Variants in ARHGAP24 observed in about 807,000 individuals in gnomAD.
ARHGAP24 encodes the protein Rho GTPase activating protein 24.
In ARHGAP24, 50 loss-of-function variants were observed where a neutral mutation model predicts 76.4. The ratio of observed to expected loss-of-function variants is 0.65; its 90% CI spans 0.52 to 0.83. The LOEUF is 0.83. Among genes scored for constraint, ARHGAP24 ranks in the 40% least tolerant of loss-of-function variants. The pLI is 0.00. For synonymous variants in ARHGAP24, 345 were observed against 323.3 expected (o/e 1.07, Z -0.72); for missense variants, 930 against 914.2 (o/e 1.02, Z -0.22).
chr4:85,993,502 A>G (rs75251534), intron 8 of ARHGAP24, among the ~76,000 whole-genome samples: 1 of 152,174 alleles, frequency 6.6e-6, no homozygotes. Flanking sequence ...CCTCTTCAAA[A>G]TCTGATTTTG....
At chr4:85,588,893 A>G (rs1279081390) in intron 2 of ARHGAP24, among the ~76,000 whole-genome samples, 1 of 152,214 alleles carries the variant, frequency 6.6e-6, no homozygotes, top group Non-Finnish European at 1.5e-5. Flanking sequence ...TTTCTGCTCC[A>G]TGAAGTTTCT....
chr4:85,699,493 T>C (rs1223016170), intron 2 of ARHGAP24, among the ~76,000 whole-genome samples: 3 of 152,042 alleles, frequency 2.0e-5, no homozygotes, highest in Non-Finnish European at 4.4e-5. Flanking sequence ...TCCCAGCTAG[T>C]TGGGAGGCTG....
At chr4:85,785,596 G>A (rs146437285) in intron 3 of ARHGAP24, among the ~76,000 whole-genome samples, 36 of 151,600 alleles carry the variant, frequency 2.4e-4, no homozygotes, top group Non-Finnish European at 5.0e-4. Flanking sequence ...ACTTTCCTTT[G>A]TTCAATGCTT....
intron 2 of ARHGAP24, among the ~76,000 whole-genome samples, chr4:85,625,579 CTAT>C (rs1405430698): frequency 1.3e-5 from 2 of 152,102 alleles, no homozygotes; most frequent in African/African-American, 4.8e-5. Context: ...CTGTAGATGT[CTAT>C]TAGGTCTGCT....
intron 1 of ARHGAP24, among the ~76,000 whole-genome samples, chr4:85,483,879 C>T (rs892061864): frequency 3.3e-5 from 5 of 152,160 alleles, no homozygotes; most frequent in Non-Finnish European, 4.4e-5. Context: ...CCAGCCACTG[C>T]CTTTAACAAG....
At chr4:85,741,065 C>T (rs35372103) in intron 3 of ARHGAP24, among the ~76,000 whole-genome samples, 2 of 152,156 alleles carry the variant, frequency 1.3e-5, no homozygotes. Context: ...GTAACTTGCC[C>T]TAGGTCACCA....
At chr4:85,501,665 G>A (rs1201392172) in intron 1 of ARHGAP24, among the ~76,000 whole-genome samples, 1 of 152,144 alleles carries the variant, frequency 6.6e-6, no homozygotes, top group African/African-American at 2.4e-5. Context: ...CTCCCATTCT[G>A]TAGGTTGCCT....
chr4:85,687,623 G>A (rs1213765851), intron 2 of ARHGAP24, among the ~76,000 whole-genome samples: 1 of 152,092 alleles, frequency 6.6e-6, no homozygotes, highest in Admixed American at 6.6e-5. Flanking sequence ...TGTATTCTGT[G>A]TTGTATATAT....
chr4:85,923,852 A>G, intron 4 of ARHGAP24, 82 bp downstream of exon 4: 2 of 1,584,360 alleles, frequency 1.3e-6, no homozygotes, highest in Non-Finnish European at 8.7e-7. Flanking sequence ...TGTTACTATT[A>G]GCTCCTGTAT....
intron 2 of ARHGAP24, among the ~76,000 whole-genome samples, chr4:85,651,410 T>A (rs1389589051): frequency 1.3e-5 from 2 of 149,122 alleles, no homozygotes; most frequent in Non-Finnish European, 2.9e-5. Context: ...AACCTATTGA[T>A]GGTTTAGATT....
chr4:85,985,324 C>A (rs1051145252), intron 8 of ARHGAP24, among the ~76,000 whole-genome samples: 1 of 152,112 alleles, frequency 6.6e-6, no homozygotes, highest in Non-Finnish European at 1.5e-5. Context: ...AAGAGCATGT[C>A]TTTGCAGGGA....
At chr4:85,487,669 CAT>C (rs1485201457) in intron 1 of ARHGAP24, among the ~76,000 whole-genome samples, 2,132 of 97,220 alleles carry the variant, frequency 0.022, 33 homozygotes, top group Non-Finnish European at 0.032. Context: ...ATTATATAAA[CAT>C]ATATTTATTA....
At chr4:85,858,454 G>A (rs1467429032) in intron 3 of ARHGAP24, among the ~76,000 whole-genome samples, 1 of 152,130 alleles carries the variant, frequency 6.6e-6, no homozygotes, top group Non-Finnish European at 1.5e-5. Context: ...TAGGTAACGT[G>A]ATGTATTTGC....
intron 3 of ARHGAP24, among the ~76,000 whole-genome samples, chr4:85,760,208 G>C (rs1226443579): frequency 6.6e-6 from 1 of 152,088 alleles, no homozygotes; most frequent in Non-Finnish European, 1.5e-5. Flanking sequence ...TGGCCTAACT[G>C]AAACGAAGTC....
At chr4:85,767,417 C>T (rs1475957200) in intron 3 of ARHGAP24, among the ~76,000 whole-genome samples, 2 of 152,158 alleles carry the variant, frequency 1.3e-5, no homozygotes, top group Non-Finnish European at 2.9e-5. Context: ...ATACATACAC[C>T]TCACACATTC....
intron 2 of ARHGAP24, among the ~76,000 whole-genome samples, chr4:85,698,122 G>T (rs1445334216): frequency 1.3e-5 from 2 of 152,288 alleles, no homozygotes; most frequent in East Asian, 3.9e-4. Flanking sequence ...CTAAAACTTT[G>T]TTAAGGCTTT....
At chr4:85,690,725 TGCTC>T (rs1723620725) in intron 2 of ARHGAP24, among the ~76,000 whole-genome samples, 1 of 151,110 alleles carries the variant, frequency 6.6e-6, no homozygotes, top group African/African-American at 2.4e-5. Context: ...TTTTTTTTTT[TGCTC>T]TTAATCTAGC....
At chr4:85,565,512 A>G (rs1161259710) in intron 1 of ARHGAP24, among the ~76,000 whole-genome samples, 1 of 152,168 alleles carries the variant, frequency 6.6e-6, no homozygotes, top group Non-Finnish European at 1.5e-5. Context: ...ATACAGTGAA[A>G]TACTCACTCA....
chr4:85,521,284 C>A (rs578119085), intron 1 of ARHGAP24, among the ~76,000 whole-genome samples: 88 of 152,126 alleles, frequency 5.8e-4, no homozygotes, highest in Admixed American at 5.8e-3. Flanking sequence ...CATCCCAACA[C>A]TAACCTTGGA....
Sources: gnomAD v4.1 joint callset for allele counts (sites outside exome capture counted in the v4.1 genomes callset) on GRCh38, gnomAD v4.1.1 for gene constraint, MANE v1.5 for transcripts, NCBI Gene and HGNC (gene_info 2026-07-23, HGNC 2026-07-21) for gene names.